PALLD: variants seen among roughly 807,000 people sequenced by gnomAD.
The protein encoded by PALLD is palladin, cytoskeletal associated protein, also known as palladin.
In PALLD, 61 loss-of-function variants were observed where a neutral mutation model predicts 123.5. That is an observed-to-expected ratio of 0.49 (90% confidence interval 0.40 to 0.61). PALLD has a LOEUF of 0.61. Among genes scored for constraint, PALLD ranks in the 20% least tolerant of loss-of-function variants. The pLI is 0.00. For synonymous variants in PALLD, 465 were observed against 496.4 expected (o/e 0.94, Z 0.84); for missense variants, 1,273 against 1,377.0 (o/e 0.92, Z 1.20).
rs1767856655 is a variant in PALLD, at chr4:168,561,430, G to T, written c.908+49018G>T. ...GCTACTACAGAGAATGGACCATTGT[G>T]CTCAGCTAATTTTTAAATTTTTTTT... is the stretch of plus-strand genomic sequence containing the variant. On this transcript the variant is annotated intron_variant, in intron 2 of 21. Transcript: ENST00000505667. 5.3e-5 allele frequency among the ~76,000 whole-genome samples: 8 copies of T among 151,986 alleles called. No individual in the cohort carries two copies. The South Asian group carries it at 1.7e-3, about 32-fold the overall frequency.
intron 2 of PALLD, among the ~76,000 whole-genome samples, chr4:168,550,040 A>C (rs1471637961): frequency 1.3e-5 from 2 of 152,236 alleles, no homozygotes; most frequent in Non-Finnish European, 2.9e-5. Flanking sequence ...AAATCTGAGT[A>C]ATTTCTCCAT....
Position 168,877,709 on chromosome 4 carries a change from C to CT in PALLD, c.1965-13208dup, listed in dbSNP as rs761852999. 8.6e-4 allele frequency: 966 copies of CT among 1,123,094 alleles called. 1 individual carries two copies. Among genetic ancestry groups the CT allele is most frequent in the South Asian group, 3.8e-3 (88 of 23,164 alleles). 69.6% of individuals were successfully genotyped at this position (1,123,094 alleles called of 1,614,324 possible). A position where few individuals can be genotyped will look rare whatever the true frequency, so the allele number is the denominator to read the frequency against. ...TTCCATCTCTGAAGGTGTCACTTCT[C>CT]TTTTTCCCCCCAGGGACCCTCTGAA... On this transcript the variant is annotated intron_variant, in intron 10 of 21. Transcript: ENST00000505667.
intron 10 of PALLD, among the ~76,000 whole-genome samples, chr4:168,766,734 A>G (rs963657780): frequency 3.9e-5 from 6 of 152,228 alleles, no homozygotes; most frequent in African/African-American, 1.4e-4. Context: ...GCGCCTTAGA[A>G]TGAGTCACTT....
At chr4:168,718,646 T>G (rs1785612368) in intron 10 of PALLD, among the ~76,000 whole-genome samples, 1 of 152,212 alleles carries the variant, frequency 6.6e-6, no homozygotes, top group Non-Finnish European at 1.5e-5. Context: ...TAACCAGTTG[T>G]CACTGTCTTG....
intron 2 of PALLD, chr4:168,654,711 G>A (rs1456329477): frequency 6.6e-6 from 1 of 152,186 alleles, no homozygotes; most frequent in Non-Finnish European, 1.5e-5. Flanking sequence ...ACACACCTGA[G>A]GCCCCTCCCC....
chr4:168,770,666 C>T (rs1398560565), intron 10 of PALLD, among the ~76,000 whole-genome samples: 1 of 152,204 alleles, frequency 6.6e-6, no homozygotes, highest in African/African-American at 2.4e-5. Flanking sequence ...TTTTCCATGA[C>T]TTTCTGTGAC....
Position 168,913,990 on chromosome 4 carries a change from C to G in PALLD, c.2686C>G (p.Arg896Gly), listed in dbSNP as rs772889018. The G allele has an allele frequency of 1.9e-6, 3 of 1,610,310 alleles. No individual in the cohort carries two copies. Among genetic ancestry groups the G allele is most frequent in the South Asian group, 1.1e-5 (1 of 91,006 alleles). ...TGTCAACCAAAGAGGTCGAAGTCCCCGGTCTCCCTCAGGCCATCCTCATGT... is the reference window on the plus strand; with the variant it reads ...TGTCAACCAAAGAGGTCGAAGTCCCGGGTCTCCCTCAGGCCATCCTCATGT... ...QAVNQRGRSP[R>G]SPSGHPHVRR... is the part of the protein sequence containing the mutation. The change falls in exon 16 of 22, where the codon CGG becomes GGG. Residue 896 changes from arginine to glycine, a missense_variant. This residue lies in a region of PALLD where 329 missense variants were observed against 422.5 expected (regional missense o/e 0.78). Coordinates refer to ENST00000505667, the MANE Select transcript of PALLD (RefSeq NM_001166108.2).
At chr4:168,602,523 C>T (rs931556111) in intron 2 of PALLD, among the ~76,000 whole-genome samples, 5 of 152,276 alleles carry the variant, frequency 3.3e-5, no homozygotes, top group African/African-American at 1.2e-4. Context: ...AGAAATATTG[C>T]CAGGTATGAA....
intron 2 of PALLD, among the ~76,000 whole-genome samples, chr4:168,652,779 T>C (rs909609333): frequency 6.6e-5 from 10 of 152,258 alleles, no homozygotes; most frequent in African/African-American, 2.4e-4. Context: ...TTTGTGTGTG[T>C]GTGCTGAATC....
intron 2 of PALLD, among the ~76,000 whole-genome samples, chr4:168,515,302 A>G (rs1313703252): frequency 1.3e-5 from 2 of 152,226 alleles, no homozygotes; most frequent in African/African-American, 4.8e-5. Flanking sequence ...TATCAGGAAG[A>G]AAACCTTTAT....
intron 10 of PALLD, among the ~76,000 whole-genome samples, chr4:168,847,059 T>C (rs537697907): frequency 1.8e-3 from 269 of 152,306 alleles, no homozygotes; most frequent in African/African-American, 6.1e-3. Context: ...GGCTTCTTAA[T>C]TGAATTGGAA....
At chr4:168,697,218 A>G (rs914471900) in intron 8 of PALLD, among the ~76,000 whole-genome samples, 1 of 152,366 alleles carries the variant, frequency 6.6e-6, no homozygotes, top group African/African-American at 2.4e-5. Flanking sequence ...AAAACTTCAC[A>G]TGGAAATCTA....
intron 6 of PALLD, among the ~76,000 whole-genome samples, chr4:168,689,941 G>A (rs923066409): frequency 6.6e-6 from 1 of 152,162 alleles, no homozygotes; most frequent in Non-Finnish European, 1.5e-5. Flanking sequence ...TGATCTGTTG[G>A]ATTGTAAAGA....
In PALLD at chr4:168,915,831, A is replaced by G. The variant is rs150201543; in HGVS notation, c.2718-64A>G. On this transcript the variant is annotated intron_variant, in intron 16 of 21. Coordinates refer to ENST00000505667, the MANE Select transcript of PALLD (RefSeq NM_001166108.2). Reference sequence around the variant, plus strand: ...CCCATGTATTTTAAGAAAACAGATGACTAAAAGTCTGGAAGTAACTACTAT... The same window carrying G: ...CCCATGTATTTTAAGAAAACAGATGGCTAAAAGTCTGGAAGTAACTACTAT... 42 of 1,278,590 alleles carry G rather than the reference A, an allele frequency of 3.3e-5. No homozygotes were observed. In the African/African-American group the frequency reaches 4.8e-4, roughly 15 times the overall value. The allele number at this position is 1,278,590 out of a possible 1,614,324, so 79.2% of individuals were successfully genotyped here.
intron 1 of PALLD, among the ~76,000 whole-genome samples, chr4:168,497,672 A>G (rs1040758577): frequency 3.3e-5 from 5 of 152,246 alleles, no homozygotes; most frequent in African/African-American, 1.2e-4. Context: ...AGATTCTAAA[A>G]GTAACTCACT....
chr4:168,595,279 G>A (rs1036063775), intron 2 of PALLD, among the ~76,000 whole-genome samples: 1 of 152,110 alleles, frequency 6.6e-6, no homozygotes, highest in Non-Finnish European at 1.5e-5. Context: ...GCTATTTTAA[G>A]TTTCCCAATG....
chr4:168,504,483 A>G (rs941231519), intron 1 of PALLD, among the ~76,000 whole-genome samples: 10 of 152,072 alleles, frequency 6.6e-5, no homozygotes, highest in Admixed American at 1.3e-4. Context: ...AGCCCCAGCT[A>G]CTCGGGAGAC....
At chr4:168,760,645 A>G (rs1187931066) in intron 10 of PALLD, among the ~76,000 whole-genome samples, 1 of 151,948 alleles carries the variant, frequency 6.6e-6, no homozygotes, top group East Asian at 1.9e-4. Context: ...GTGGAGAGAA[A>G]CCCCATGTCT....
chr4:168,802,287 G>A (rs747610163), intron 10 of PALLD, among the ~76,000 whole-genome samples: 1 of 152,144 alleles, frequency 6.6e-6, no homozygotes, highest in Non-Finnish European at 1.5e-5. Flanking sequence ...CGTGAACTAG[G>A]AAACTGCTTT....
Sources: allele counts gnomAD v4.1 joint callset (sites outside exome capture counted in the v4.1 genomes callset), GRCh38; gene constraint gnomAD v4.1.1; regional missense constraint gnomAD v4.1.1; transcripts MANE v1.5; gene names NCBI Gene and HGNC (gene_info 2026-07-23, HGNC 2026-07-21).